Variants in ZNF469 observed in about 807,000 individuals in gnomAD.
ZNF469 encodes zinc finger protein 469.
In ZNF469, 1 loss-of-function variant was observed where a neutral mutation model predicts 1.0. The observed-to-expected ratio is 1.00, with a 90% confidence interval of 0.35 to 4.73. The LOEUF (loss-of-function observed/expected upper bound fraction) is 4.73. Among genes scored for constraint, ZNF469 ranks in the 30% most tolerant of loss-of-function variants. The pLI is 0.16. For missense variants in ZNF469, 6,100 were observed against 5,356.3 expected, an observed-to-expected ratio of 1.14 and a Z score of -4.33; for synonymous variants, 2,703 against 2,363.4, an observed-to-expected ratio of 1.14 and a Z score of -4.17.
the ZNF469 span, among the ~76,000 whole-genome samples, chr16:88,209,135 C>T: frequency 6.6e-6 from 1 of 151,984 alleles, no homozygotes; most frequent in Non-Finnish European, 1.5e-5. Flanking sequence ...GTAAACTTAA[C>T]CTGGTTCCAC....
At chr16:88,383,861 C>T (rs2092531540) in intron 1 of ZNF469, among the ~76,000 whole-genome samples, 1 of 152,180 alleles carries the variant, frequency 6.6e-6, no homozygotes, top group Admixed American at 6.5e-5. Context: ...CGCGCACCCC[C>T]AGAGGCTTTT....
At chr16:88,271,583 C>A in the ZNF469 span, among the ~76,000 whole-genome samples, 1 of 140,030 alleles carries the variant, frequency 7.1e-6, no homozygotes, top group African/African-American at 2.5e-5. Context: ...ACTAGAGCAT[C>A]CAGGGGGCCA....
the ZNF469 span, among the ~76,000 whole-genome samples, chr16:88,200,698 T>G: frequency 5.3e-5 from 8 of 152,220 alleles, no homozygotes; most frequent in Non-Finnish European, 1.2e-4. Flanking sequence ...TGGTCTCACT[T>G]CTAAAGCCAC....
the ZNF469 span, among the ~76,000 whole-genome samples, chr16:88,340,162 G>A: frequency 6.6e-6 from 1 of 152,200 alleles, no homozygotes; most frequent in African/African-American, 2.4e-5. Flanking sequence ...AGCCGGCACA[G>A]AGGTGCCTCC....
the ZNF469 span, among the ~76,000 whole-genome samples, chr16:88,166,772 A>AACACACACACACACACACACACACAC: frequency 2.1e-4 from 31 of 145,876 alleles, no homozygotes; most frequent in African/African-American, 7.7e-4. The surrounding 1 kb of genome is among the most constrained non-coding windows in gnomAD (Gnocchi z 4.5). Context: ...CAGAATCATA[A>AACACACACACACACACACACACACAC]ACACACACAC....
chr16:88,247,034 AAT>A, the ZNF469 span, among the ~76,000 whole-genome samples: 1,038 of 130,094 alleles, frequency 8.0e-3, 4 homozygotes, highest in South Asian at 0.01. Flanking sequence ...TGAATGAGTG[AAT>A]GAGTGAATGA....
At chr16:88,206,541 C>T in the ZNF469 span, among the ~76,000 whole-genome samples, 1 of 152,098 alleles carries the variant, frequency 6.6e-6, no homozygotes, top group East Asian at 1.9e-4. Context: ...TGCCGATTAC[C>T]ACAATCGTGT....
At chr16:88,277,582 G>A in the ZNF469 span, among the ~76,000 whole-genome samples, 169 of 140,984 alleles carry the variant, frequency 1.2e-3, 28 homozygotes, top group Non-Finnish European at 1.8e-3. Context: ...TCAGGGCACG[G>A]TTAGTGCTGC....
the ZNF469 span, among the ~76,000 whole-genome samples, chr16:88,206,782 T>C: frequency 6.8e-6 from 1 of 147,634 alleles, no homozygotes; most frequent in African/African-American, 2.5e-5. Flanking sequence ...ACTTGGTATC[T>C]CTGTGGGAAC....
At chr16:88,139,724 G>A in the ZNF469 span, among the ~76,000 whole-genome samples, 1 of 152,178 alleles carries the variant, frequency 6.6e-6, no homozygotes, top group African/African-American at 2.4e-5. Flanking sequence ...GGGACATGAT[G>A]AGGAAAATTG....
chr16:88,430,580 G>T lies in ZNF469; in HGVS notation c.3110G>T (p.Arg1037Met). ...RRRLPPRKDP[R>M]KRKARGGAWG... ...CGGCTGCCCCCCAGGAAGGACCCCA[G>T]GAAGAGGAAGGCTCGGGGCGGCGCC... Residue 1037 changes from arginine to methionine, a missense_variant, in exon 3 of 3, where the codon AGG becomes ATG. By Grantham distance (91) the Arg-to-Met change is moderately conservative. Transcript: ENST00000565624. The T allele has an allele frequency of 6.7e-7, 1 of 1,499,708 alleles. No homozygotes were observed. The highest frequency in any genetic ancestry group is 8.8e-7 in the Non-Finnish European group (1 of 1,131,314). The allele number at this position is 1,499,708 out of a possible 1,614,324, so 92.9% of individuals were successfully genotyped here.
At chr16:88,126,747 G>A in the ZNF469 span, among the ~76,000 whole-genome samples, 7 of 151,944 alleles carry the variant, frequency 4.6e-5, no homozygotes, top group East Asian at 1.9e-4. Flanking sequence ...TCTGTCCCCC[G>A]GGTTCAAGCA....
chr16:88,290,432 C>T, the ZNF469 span, among the ~76,000 whole-genome samples: 1 of 152,160 alleles, frequency 6.6e-6, no homozygotes, highest in African/African-American at 2.4e-5. Flanking sequence ...CCTCCTTAAG[C>T]AGATCTGTTA....
At chr16:88,368,460 G>A in the ZNF469 span, among the ~76,000 whole-genome samples, 2 of 152,338 alleles carry the variant, frequency 1.3e-5, no homozygotes, top group African/African-American at 4.8e-5. Flanking sequence ...AAACCATCTA[G>A]CTTCTTGGTC....
chr16:88,430,560 GC>G lies in ZNF469; in HGVS notation c.3096del (p.Arg1033GlyfsTer20). 1.4e-6 allele frequency: 2 copies of G among 1,472,730 alleles called. No homozygotes were observed. Among genetic ancestry groups the G allele is most frequent in the Non-Finnish European group, 1.8e-6 (2 of 1,118,778 alleles). 91.2% of individuals were successfully genotyped at this position (1,472,730 alleles called of 1,614,324 possible). The part of the protein sequence containing the change: ...ETRSSRRRRL[P>X]PRKDPRKRKA... ...CCCGCAGCTCCCGGCGCCGCCGGCTGCCCCCCAGGAAGGACCCCAGGAAGAG... is the reference window on the plus strand; with the variant it reads ...CCCGCAGCTCCCGGCGCCGCCGGCTGCCCCCAGGAAGGACCCCAGGAAGAG... On this transcript the variant is annotated frameshift_variant, in exon 3 of 3. Coordinates refer to ENST00000565624, the MANE Select transcript of ZNF469 (RefSeq NM_001367624.2). LOFTEE classifies it low-confidence loss of function (END_TRUNC).
chr16:88,415,953 C>T (rs1228439795), intron 1 of ZNF469, among the ~76,000 whole-genome samples: 1 of 152,238 alleles, frequency 6.6e-6, no homozygotes, highest in Non-Finnish European at 1.5e-5. Flanking sequence ...CGCTGCAGAG[C>T]CAGAGTGCGG....
chr16:88,187,186 G>T, the ZNF469 span, among the ~76,000 whole-genome samples: 1 of 152,032 alleles, frequency 6.6e-6, no homozygotes, highest in East Asian at 1.9e-4. Flanking sequence ...CTGAGCGGGT[G>T]GCGCAGGTTG....
chr16:88,165,594 G>T, the ZNF469 span, among the ~76,000 whole-genome samples: 1 of 152,164 alleles, frequency 6.6e-6, no homozygotes, highest in Admixed American at 6.5e-5. Context: ...GCTTCAGCAC[G>T]CTAACTTTTT....
At chr16:88,353,370 T>A in the ZNF469 span, among the ~76,000 whole-genome samples, 1 of 152,092 alleles carries the variant, frequency 6.6e-6, no homozygotes, top group Admixed American at 6.5e-5. Context: ...GTGTCACTAC[T>A]CCCATGCCAA....
Sources: gnomAD v4.1 joint callset for allele counts (sites outside exome capture counted in the v4.1 genomes callset) on GRCh38, gnomAD v4.1.1 for gene constraint, Gnocchi (gnomAD v3.1) non-coding constraint, MANE v1.5 for transcripts, NCBI Gene and HGNC (gene_info 2026-07-23, HGNC 2026-07-21) for gene names.